DPP6: variants seen among roughly 807,000 people sequenced by gnomAD.
DPP6 encodes the protein A-type potassium channel modulatory protein DPP6.
DPP6 carries 69 observed loss-of-function variants against 122.6 expected under a neutral mutation model. The observed-to-expected ratio is 0.56, with a 90% CI of 0.46 to 0.69. DPP6 has a LOEUF of 0.69. Among genes scored for constraint, DPP6 ranks in the 30% least tolerant of loss-of-function variants. The probability of loss-of-function intolerance (pLI) is 0.00; values close to 1 mark genes in which losing one functional copy is unlikely to be tolerated. For missense variants in DPP6, 928 were observed against 1,116.9 expected, an observed-to-expected ratio of 0.83 and a Z score of 2.41; for synonymous variants, 418 against 433.1, an observed-to-expected ratio of 0.97 and a Z score of 0.43.
intron 1 of DPP6, among the ~76,000 whole-genome samples, chr7:154,388,071 G>T (rs923435352): frequency 6.6e-6 from 1 of 152,126 alleles, no homozygotes; most frequent in Admixed American, 6.5e-5. Flanking sequence ...GAAGACCAAG[G>T]GGGGAGTTTC....
At chr7:153,771,305 T>C in the DPP6 span, among the ~76,000 whole-genome samples, 9 of 152,250 alleles carry the variant, frequency 5.9e-5, no homozygotes, top group East Asian at 5.8e-4. Flanking sequence ...TTGTCAGAAA[T>C]CATGCAAGAC....
rs371459923 is a variant in DPP6, at chr7:154,482,143, G to A, written c.457+7106G>A. On this transcript the variant is annotated intron_variant, in intron 3 of 25. Transcript: ENST00000377770. ...ATGCAGATGAGTTCTCTGGGGGAAA[G>A]CCTTCCAGGCAGGGTGGAACAACCA... Among the ~76,000 whole-genome samples, 5 of 152,352 alleles carry A rather than the reference G, an allele frequency of 3.3e-5. No individual in the cohort carries two copies. The East Asian group carries it at 7.7e-4, about 24-fold the overall frequency.
the DPP6 span, among the ~76,000 whole-genome samples, chr7:153,859,660 C>T: frequency 3.3e-5 from 5 of 152,150 alleles, no homozygotes; most frequent in Non-Finnish European, 7.3e-5. Flanking sequence ...TGTATTATTC[C>T]GTTCCTACGC....
intron 1 of DPP6, among the ~76,000 whole-genome samples, chr7:154,113,251 G>A (rs934505399): frequency 1.3e-4 from 20 of 152,160 alleles, no homozygotes; most frequent in African/African-American, 4.8e-4. Flanking sequence ...AAATGAGATT[G>A]TTGGATTATA....
intron 1 of DPP6, among the ~76,000 whole-genome samples, chr7:154,431,177 G>A (rs114408652): frequency 6.6e-6 from 1 of 152,298 alleles, no homozygotes; most frequent in South Asian, 2.1e-4. Context: ...AGCTGCCAAG[G>A]ATGCTCGCTG....
At chr7:154,394,983 C>T (rs574343471) in intron 1 of DPP6, among the ~76,000 whole-genome samples, 5 of 152,242 alleles carry the variant, frequency 3.3e-5, no homozygotes, top group Admixed American at 2.0e-4. Flanking sequence ...TTGTGTGGTG[C>T]CTTACTTCAT....
At chr7:154,310,166 GT>G in intron 1 of DPP6, among the ~76,000 whole-genome samples, 1 of 152,346 alleles carries the variant, frequency 6.6e-6, no homozygotes, top group African/African-American at 2.4e-5. Context: ...GAACACCAGA[GT>G]GGGTCCTTGA....
At chr7:154,858,071 C>G (rs1199624349) in intron 17 of DPP6, among the ~76,000 whole-genome samples, 1 of 151,956 alleles carries the variant, frequency 6.6e-6, no homozygotes, top group Non-Finnish European at 1.5e-5. Flanking sequence ...CTCAGACAAC[C>G]GTGTTCTGAT....
chr7:153,866,551 C>A, the DPP6 span, among the ~76,000 whole-genome samples: 1 of 151,872 alleles, frequency 6.6e-6, no homozygotes, highest in African/African-American at 2.4e-5. Context: ...GGATATTCAC[C>A]CTTTGTCAGA....
intron 12 of DPP6, chr7:154,796,284 G>A (rs1308235967): frequency 5.7e-6 from 1 of 174,070 alleles, no homozygotes; most frequent in Non-Finnish European, 1.2e-5. Context: ...GGTTTTGTTG[G>A]TGTCTCATTT....
In DPP6 at chr7:154,329,453, T is replaced by C. The variant is rs146182301; in HGVS notation, c.244-116761T>C. Among the ~76,000 whole-genome samples the C allele has an allele frequency of 8.6e-3, 1,304 of 152,342 alleles. 11 individuals are homozygous for C. The highest frequency in any genetic ancestry group is 0.02 in the African/African-American group (852 of 41,582). ...CACTTTTTGATTGGCTTATTTGTTA[T>C]TAGAGAAATGCAAGTGAAAACCACA... On this transcript the variant is annotated intron_variant, in intron 1 of 25. Transcript: ENST00000377770.
chr7:154,508,951 C>A (rs1207156682), intron 3 of DPP6, among the ~76,000 whole-genome samples: 1 of 152,048 alleles, frequency 6.6e-6, no homozygotes, highest in Admixed American at 6.6e-5. Flanking sequence ...TGAAGTTGGA[C>A]CCTTACCTCA....
Position 154,624,516 on chromosome 7 carries a change from A to G in DPP6, c.628-13305A>G, listed in dbSNP as rs1834943302. 1.3e-5 allele frequency among the ~76,000 whole-genome samples: 2 copies of G among 152,068 alleles called. No individual in the cohort carries two copies. Among genetic ancestry groups the G allele is most frequent in the South Asian group, 2.1e-4 (1 of 4,822 alleles). On this transcript the variant is annotated intron_variant, in intron 5 of 25. Coordinates refer to ENST00000377770, the MANE Select transcript of DPP6 (RefSeq NM_130797.4). The surrounding 1 kb of genome is among the most constrained non-coding windows in gnomAD (Gnocchi z 4.7). ...CAAACAAAAAATATATGCAGAGAAG[A>G]GAGTACTTAGGAGCACAGTGGGAGG...
chr7:154,341,448 G>A (rs1809923833), intron 1 of DPP6, among the ~76,000 whole-genome samples: 1 of 152,010 alleles, frequency 6.6e-6, no homozygotes, highest in African/African-American at 2.4e-5. Flanking sequence ...CTCATACTCT[G>A]TAGTCGCAGA....
chr7:153,831,934 G>A, the DPP6 span, among the ~76,000 whole-genome samples: 13 of 152,128 alleles, frequency 8.5e-5, no homozygotes, highest in Non-Finnish European at 1.3e-4. Flanking sequence ...GAGGAGAAGC[G>A]GTCTGATTTA....
chr7:154,211,585 C>T (rs527434779), intron 1 of DPP6, among the ~76,000 whole-genome samples: 97 of 152,212 alleles, frequency 6.4e-4, no homozygotes, highest in East Asian at 1.9e-4. Flanking sequence ...TCACCAGTAC[C>T]GGGGAAGAAA....
chr7:154,206,289 C>A (rs1355826675), intron 1 of DPP6, among the ~76,000 whole-genome samples: 1 of 152,210 alleles, frequency 6.6e-6, no homozygotes, highest in Non-Finnish European at 1.5e-5. Context: ...TTCTCCGAAC[C>A]TCTGTGCTCT....
At chr7:154,840,052 C>T (rs1801394483) in intron 16 of DPP6, among the ~76,000 whole-genome samples, 1 of 152,170 alleles carries the variant, frequency 6.6e-6, no homozygotes, top group African/African-American at 2.4e-5. Context: ...GAGCGTGGAA[C>T]GACTTCCATT....
In DPP6 at chr7:154,647,329, AGCTGAGAAATAACACTTCTG is replaced by A. The variant is rs374810728; in HGVS notation, c.680+9457_680+9476del. Among the ~76,000 whole-genome samples, 924 of 152,304 alleles carry A rather than the reference AGCTGAGAAATAACACTTCTG, an allele frequency of 6.1e-3. 8 individuals are homozygous for A. Among genetic ancestry groups the A allele is most frequent in the African/African-American group, 0.021 (854 of 41,550 alleles). On this transcript the variant is annotated intron_variant, in intron 6 of 25. Transcript: ENST00000377770. ...AAGTGACACCCAGGATTGCCGTGGA[AGCTGAGAAATAACACTTCTG>A]TCTGAATATGCCAGTAAAGTTTCCT...
Sources: gnomAD v4.1 joint callset for allele counts (sites outside exome capture counted in the v4.1 genomes callset) on GRCh38, gnomAD v4.1.1 for gene constraint, Gnocchi (gnomAD v3.1) non-coding constraint, MANE v1.5 for transcripts, NCBI Gene and HGNC (gene_info 2026-07-23, HGNC 2026-07-21) for gene names.